Variants in C1orf174 observed in about 807,000 individuals in gnomAD.
C1orf174 encodes the protein UPF0688 protein C1orf174.
In C1orf174, 13 loss-of-function variants were observed where a neutral mutation model predicts 18.4. The ratio of observed to expected loss-of-function variants is 0.71; its 90% CI spans 0.46 to 1.12. The LOEUF is 1.12. Ranked by LOEUF, C1orf174 falls within the 50% of genes most tolerant of loss-of-function variation. The pLI is 0.00. For synonymous variants in C1orf174, 100 were observed against 118.3 expected, an observed-to-expected ratio of 0.85 and a Z score of 1.01; for missense variants, 309 against 308.0, an observed-to-expected ratio of 1.00 and a Z score of -0.02.
intron 1 of C1orf174, among the ~76,000 whole-genome samples, chr1:3,893,205 T>C (rs942741525): frequency 6.6e-6 from 1 of 152,242 alleles, no homozygotes. Flanking sequence ...TTTCCACGAT[T>C]TTGGAGGCTT....
intron 1 of C1orf174, among the ~76,000 whole-genome samples, chr1:3,896,592 T>C (rs1638609333): frequency 6.6e-6 from 1 of 152,178 alleles, no homozygotes; most frequent in Admixed American, 6.5e-5. Flanking sequence ...AAGGGAGCTG[T>C]TCAAGTACCG....
intron 2 of C1orf174, chr1:3,891,638 G>A: frequency 1.0e-6 from 1 of 986,134 alleles, no homozygotes; most frequent in Non-Finnish European, 1.2e-6. Flanking sequence ...GTAAGTTCAG[G>A]AACTCGCTCC....
rs1430991661 is a variant in C1orf174, at chr1:3,900,197, AC to A, written c.-12del. 12 of 1,581,312 alleles carry A rather than the reference AC, an allele frequency of 7.6e-6. No homozygotes were observed. Among genetic ancestry groups the A allele is most frequent in the Middle Eastern group, 1.7e-4 (1 of 5,964 alleles). The stretch of plus-strand genomic sequence containing the variant: ...CTTCCGGCTCCTCATGAGTGTGAGC[AC>A]CGCAGCCAAGCACCGCGCGCCCCGG... On this transcript the variant is annotated 5_prime_UTR_variant, in exon 1 of 4. Transcript: ENST00000361605.
chr1:3,891,760 CAGCATGACTCCAT>C, intron 2 of C1orf174: 2 of 986,024 alleles, frequency 2.0e-6, no homozygotes, highest in Non-Finnish European at 2.4e-6. Context: ...GGCAATGGGC[CAGCATGACTCCAT>C]AGCACGCTAA....
At position 3,900,187 on chromosome 1, in the gene C1orf174, G is replaced by A; in HGVS notation, c.-1C>T. On this transcript the variant is annotated 5_prime_UTR_variant, in exon 1 of 4. Transcript: ENST00000361605. ...CAGCCCTCACCTTCCGGCTCCTCAT[G>A]AGTGTGAGCACCGCAGCCAAGCACC... 6.3e-7 allele frequency: 1 copy of A among 1,586,550 alleles called. No homozygotes were observed. Among genetic ancestry groups the A allele is most frequent in the Admixed American group, 1.7e-5 (1 of 58,400 alleles).
At chr1:3,891,320 C>G (rs530576153) in intron 2 of C1orf174, 2 of 430,708 alleles carry the variant, frequency 4.6e-6, no homozygotes, top group African/African-American at 2.0e-5. Flanking sequence ...TTTCAGTTTC[C>G]CCTAGTGGCG....
intron 2 of C1orf174, 44 bp from the exon 3 acceptor site, chr1:3,891,101 A>G: frequency 6.4e-7 from 1 of 1,559,690 alleles, no homozygotes; most frequent in African/African-American, 1.4e-5. Context: ...ATATCTAGCA[A>G]ATAAAACAGG....
chr1:3,896,097 C>T (rs12097610), intron 1 of C1orf174: 29,946 of 152,748 alleles, frequency 0.2, 3,264 homozygotes, highest in African/African-American at 0.29. Context: ...AACACAGGGC[C>T]ACCTCCCCAG....
intron 3 of C1orf174, among the ~76,000 whole-genome samples, 160 bp downstream of exon 3, chr1:3,890,409 A>G (rs12073945): frequency 0.07 from 10,608 of 152,250 alleles, 835 homozygotes; most frequent in African/African-American, 0.2. Flanking sequence ...AGAGCCCCCA[A>G]TTAGCCAACG....
Position 3,890,078 on chromosome 1 carries a change from G to A in C1orf174, c.619-5C>T, listed in dbSNP as rs1485905145. On this transcript the variant is annotated splice_region_variant and splice_polypyrimidine_tract_variant and intron_variant, in intron 3 of 3. Transcript: ENST00000361605. The stretch of plus-strand genomic sequence containing the variant: ...TGAAGACGCAGGTGGGAGGTCCTTA[G>A]TGGAGAAGAAAACATGACTTCAGTC... 4 of 1,611,538 alleles carry A rather than the reference G, an allele frequency of 2.5e-6. No homozygotes were observed. Among genetic ancestry groups the A allele is most frequent in the Non-Finnish European group, 3.4e-6 (4 of 1,177,698 alleles).
chr1:3,897,614 T>C (rs980915087), intron 1 of C1orf174, among the ~76,000 whole-genome samples: 2 of 152,060 alleles, frequency 1.3e-5, no homozygotes, highest in African/African-American at 4.8e-5. Flanking sequence ...TTTGAAGAAA[T>C]AATGGCTGAG....
rs775083831 is a variant in C1orf174, at chr1:3,891,075, G to GT, written c.130-19dup. 1.9e-4 allele frequency: 297 copies of GT among 1,596,950 alleles called. No individual in the cohort carries two copies. The highest frequency in any genetic ancestry group is 2.4e-4 in the Non-Finnish European group (282 of 1,174,608). ...GAGGAAGTCTGTCAAGAAAAAAAAT[G>GT]TAAGGGGAACCAGACATATCTAGCA... is the stretch of plus-strand genomic sequence containing the variant. On this transcript the variant is annotated intron_variant, in intron 2 of 3. Transcript: ENST00000361605.
intron 1 of C1orf174, among the ~76,000 whole-genome samples, chr1:3,898,926 G>C (rs1289403666): frequency 6.6e-6 from 1 of 152,088 alleles, no homozygotes; most frequent in Non-Finnish European, 1.5e-5. Flanking sequence ...AACCATATAA[G>C]AGTAACATTT....
intron 2 of C1orf174, chr1:3,891,645 C>T: frequency 1.0e-6 from 1 of 986,120 alleles, no homozygotes; most frequent in South Asian, 4.7e-5. Flanking sequence ...CAGGAACTCG[C>T]TCCTCGGAAT....
At position 3,890,660 on chromosome 1, in the gene C1orf174, G is replaced by T. The variant is rs1263141721; in HGVS notation, c.527C>A (p.Pro176Gln). 5 of 1,614,122 alleles carry T rather than the reference G, an allele frequency of 3.1e-6. No individual in the cohort carries two copies. Among genetic ancestry groups the T allele is most frequent in the Middle Eastern group, 1.6e-4 (1 of 6,062 alleles). Residue 176 changes from proline to glutamine, a missense_variant, in exon 3 of 4, where the codon CCA (proline) becomes CAA (glutamine). Coordinates refer to ENST00000361605, the MANE Select transcript of C1orf174 (RefSeq NM_207356.3). ...GLQTEDVQKP[P>Q]LQMDNSVFLD... ...AAAGACGCTGTTGTCCATCTGAAGTGGTGGCTTCTGCACATCCTCTGTCTG... is the reference window on the plus strand; with the variant it reads ...AAAGACGCTGTTGTCCATCTGAAGTTGTGGCTTCTGCACATCCTCTGTCTG...
intron 1 of C1orf174, among the ~76,000 whole-genome samples, chr1:3,894,242 T>A (rs1002952320): frequency 6.6e-6 from 1 of 151,614 alleles, no homozygotes; most frequent in African/African-American, 2.4e-5. Flanking sequence ...AGGGGACGGA[T>A]GAAGAGTGCC....
chr1:3,898,152 AT>A (rs1341073859), intron 1 of C1orf174, among the ~76,000 whole-genome samples: 3 of 152,242 alleles, frequency 2.0e-5, no homozygotes, highest in African/African-American at 7.2e-5. Flanking sequence ...AATGGAGAAT[AT>A]TCAAACATAT....
chr1:3,899,675 C>A (rs1462626845), intron 1 of C1orf174, among the ~76,000 whole-genome samples: 1 of 152,228 alleles, frequency 6.6e-6, no homozygotes, highest in East Asian at 1.9e-4. Context: ...GGAGTTGAAA[C>A]CAGTTCTGGA....
chr1:3,899,996 C>G (rs547851466), intron 1 of C1orf174, among the ~76,000 whole-genome samples, 176 bp downstream of exon 1: 2 of 151,660 alleles, frequency 1.3e-5, no homozygotes, highest in South Asian at 4.2e-4. Flanking sequence ...CCTGGCAGCC[C>G]TCCTTCTCCC....
Sources: allele counts gnomAD v4.1 joint callset (sites outside exome capture counted in the v4.1 genomes callset), GRCh38; gene constraint gnomAD v4.1.1; transcripts MANE v1.5; gene names NCBI Gene and HGNC (gene_info 2026-07-23, HGNC 2026-07-21).